The following TPRG1 variants were observed in gnomAD, a reference collection of about 807,000 sequenced individuals.
The protein encoded by TPRG1 is tumor protein p63 regulated 1.
A neutral mutation model predicts 29.3 loss-of-function variants in TPRG1; 29 were observed. The ratio of observed to expected loss-of-function variants is 0.99; its 90% CI spans 0.74 to 1.35. The LOEUF is 1.35. TPRG1 is among the 40% of genes most tolerant of loss of function. The pLI is 0.00. For missense variants in TPRG1, 327 were observed against 335.0 expected (o/e 0.98, Z 0.19); for synonymous variants, 130 against 116.8 (o/e 1.11, Z -0.73).
At chr3:189,288,656 G>C (rs536221035) in intron 4 of TPRG1, among the ~76,000 whole-genome samples, 1 of 152,158 alleles carries the variant, frequency 6.6e-6, no homozygotes, top group Admixed American at 6.5e-5. Flanking sequence ...GGGGTCAAAG[G>C]CTTCTCACCT....
At chr3:189,168,319 A>G (rs1316304964), upstream of TPRG1, among the ~76,000 whole-genome samples, 2 of 152,342 alleles carry the variant, frequency 1.3e-5, no homozygotes, top group Admixed American at 6.5e-5. Flanking sequence ...AGAGAAAAAA[A>G]GATGCTTTGG....
upstream of TPRG1, among the ~76,000 whole-genome samples, chr3:189,098,086 A>G (rs183071511): frequency 3.3e-5 from 5 of 152,328 alleles, no homozygotes; most frequent in African/African-American, 9.6e-5. Flanking sequence ...ATCAGGGGCC[A>G]GTGACCTAGT....
upstream of TPRG1, among the ~76,000 whole-genome samples, chr3:189,168,830 C>T (rs901037255): frequency 2.6e-5 from 4 of 152,122 alleles, no homozygotes; most frequent in Admixed American, 6.5e-5. Flanking sequence ...CCCAGTGATG[C>T]ATGTTTATTT....
At chr3:189,199,872 T>C (rs1201794368) in intron 1 of TPRG1, among the ~76,000 whole-genome samples, 1 of 151,888 alleles carries the variant, frequency 6.6e-6, no homozygotes, top group Non-Finnish European at 1.5e-5. Flanking sequence ...AGTGCGAGAC[T>C]CCATCTCAAA....
At chr3:189,101,053 C>A (rs1719139377) in intron 1 of TPRG1, among the ~76,000 whole-genome samples, 2 of 152,212 alleles carry the variant, frequency 1.3e-5, no homozygotes, top group Admixed American at 6.5e-5. Context: ...CTCTCCTTGG[C>A]AGCCATGCCC....
intron 4 of TPRG1, among the ~76,000 whole-genome samples, chr3:189,059,400 G>A (rs1249211484): frequency 6.6e-6 from 1 of 152,012 alleles, no homozygotes; most frequent in Admixed American, 6.5e-5. Flanking sequence ...AGACCATCCT[G>A]GCTAACATGG....
chr3:189,198,441 T>G (rs1321123826), intron 1 of TPRG1, among the ~76,000 whole-genome samples: 1 of 152,230 alleles, frequency 6.6e-6, no homozygotes, highest in East Asian at 1.9e-4. Context: ...AAGACTGTGG[T>G]ATGAGTTCCT....
intron 3 of TPRG1, among the ~76,000 whole-genome samples, chr3:189,138,993 T>A (rs1419329012): frequency 1.3e-5 from 2 of 151,986 alleles, no homozygotes; most frequent in Non-Finnish European, 2.9e-5. Context: ...GCTCCAGCCA[T>A]GAGAAAATGG....
intron 4 of TPRG1, among the ~76,000 whole-genome samples, chr3:189,307,917 A>T (rs940480084): frequency 1.3e-5 from 2 of 152,240 alleles, no homozygotes; most frequent in African/African-American, 4.8e-5. Context: ...ATGATAGGAT[A>T]GTACTTGCTG....
intron 3 of TPRG1, among the ~76,000 whole-genome samples, chr3:189,023,480 T>C (rs1465085254): frequency 6.6e-6 from 1 of 152,240 alleles, no homozygotes; most frequent in African/African-American, 2.4e-5. Context: ...TTTATCCATA[T>C]TCTGAAGCTT....
chr3:189,189,886 A>G (rs1357531852), intron 1 of TPRG1, among the ~76,000 whole-genome samples: 1 of 152,218 alleles, frequency 6.6e-6, no homozygotes, highest in Non-Finnish European at 1.5e-5. Flanking sequence ...ATGGCATTTG[A>G]AGCCTGACAT....
chr3:189,068,956 A>G (rs1205406885), intron 4 of TPRG1, among the ~76,000 whole-genome samples: 1 of 152,208 alleles, frequency 6.6e-6, no homozygotes, highest in Non-Finnish European at 1.5e-5. Context: ...CGTTAAAACA[A>G]TTGGATTCAT....
intron 3 of TPRG1, among the ~76,000 whole-genome samples, chr3:189,138,215 AAG>A (rs1368946227): frequency 6.6e-6 from 1 of 152,176 alleles, no homozygotes; most frequent in Non-Finnish European, 1.5e-5. Flanking sequence ...TTCAGGAGAG[AAG>A]AGACAAGGGA....
At chr3:189,058,107 A>G (rs1035729115) in intron 4 of TPRG1, among the ~76,000 whole-genome samples, 1 of 152,038 alleles carries the variant, frequency 6.6e-6, no homozygotes, top group African/African-American at 2.4e-5. Flanking sequence ...GATATCCACT[A>G]CCTGTAGAGT....
chr3:189,296,111 T>G (rs1303529761), intron 4 of TPRG1, among the ~76,000 whole-genome samples: 1 of 152,210 alleles, frequency 6.6e-6, no homozygotes, highest in African/African-American at 2.4e-5. Flanking sequence ...CAAACTCAAT[T>G]TATTTTGCTT....
At chr3:189,133,967 T>C (rs1723410520) in intron 3 of TPRG1, among the ~76,000 whole-genome samples, 1 of 152,238 alleles carries the variant, frequency 6.6e-6, no homozygotes, top group Non-Finnish European at 1.5e-5. Context: ...GCTCACTTCA[T>C]AGAAGTGTGG....
At chr3:189,218,068 A>G in intron 3 of TPRG1, 1 of 980,164 alleles carries the variant, frequency 1.0e-6, no homozygotes. Flanking sequence ...GAATTATAGG[A>G]GCTGTAATAT....
chr3:189,208,437 T>C (rs1734746882), intron 2 of TPRG1, among the ~76,000 whole-genome samples: 1 of 152,162 alleles, frequency 6.6e-6, no homozygotes, highest in Admixed American at 6.5e-5. Context: ...AAAAATGTAT[T>C]TCAACTCATT....
chr3:189,056,082 TTCCTTCC>T (rs1715671515), intron 4 of TPRG1, among the ~76,000 whole-genome samples: 1 of 129,838 alleles, frequency 7.7e-6, no homozygotes, highest in Non-Finnish European at 1.6e-5. Flanking sequence ...CCTTCCTTCC[TTCCTTCC>T]TTCCTTCCTT....
Sources: allele counts gnomAD v4.1 joint callset (sites outside exome capture counted in the v4.1 genomes callset), GRCh38; gene constraint gnomAD v4.1.1; transcripts MANE v1.5; gene names NCBI Gene and HGNC (gene_info 2026-07-23, HGNC 2026-07-21).